Variants in ARHGAP24 observed in about 807,000 individuals in gnomAD.
ARHGAP24 encodes the protein rho GTPase-activating protein 24.
A neutral mutation model predicts 76.4 loss-of-function variants in ARHGAP24; 50 were observed. The ratio of observed to expected loss-of-function variants is 0.65; its 90% CI spans 0.52 to 0.83. ARHGAP24 has a LOEUF of 0.83. Ranked by LOEUF, ARHGAP24 falls within the 40% of genes least tolerant of loss-of-function variation. The pLI, the probability that ARHGAP24 is intolerant of heterozygous loss-of-function variation, is 0.00. For synonymous variants in ARHGAP24, 345 were observed against 323.3 expected, an observed-to-expected ratio of 1.07 and a Z score of -0.72; for missense variants, 930 against 914.2, an observed-to-expected ratio of 1.02 and a Z score of -0.22.
At chr4:85,705,590 C>G (rs1259501852) in intron 2 of ARHGAP24, among the ~76,000 whole-genome samples, 1 of 151,934 alleles carries the variant, frequency 6.6e-6, no homozygotes, top group African/African-American at 2.4e-5. Flanking sequence ...ACCATTTTTT[C>G]GTGTGCTTAC....
intron 2 of ARHGAP24, among the ~76,000 whole-genome samples, chr4:85,580,819 C>G (rs1727576887): frequency 6.6e-6 from 1 of 152,124 alleles, no homozygotes; most frequent in Non-Finnish European, 1.5e-5. Context: ...TCGTATCTGA[C>G]TGGGTTTGGT....
chr4:85,528,765 T>G (rs1725128615), intron 1 of ARHGAP24, among the ~76,000 whole-genome samples: 1 of 152,128 alleles, frequency 6.6e-6, no homozygotes, highest in Non-Finnish European at 1.5e-5. Flanking sequence ...GGACATGTAC[T>G]ATCTCCACGT....
intron 1 of ARHGAP24, among the ~76,000 whole-genome samples, chr4:85,556,442 A>G (rs1481725018): frequency 6.6e-6 from 1 of 152,072 alleles, no homozygotes; most frequent in Admixed American, 6.5e-5. Flanking sequence ...TCCTCTCCAT[A>G]TGATAGCTGC....
intron 3 of ARHGAP24, among the ~76,000 whole-genome samples, chr4:85,779,410 C>T (rs12499867): frequency 0.46 from 69,535 of 151,876 alleles, 16,587 homozygotes; most frequent in East Asian, 0.83. Context: ...AGAACCTGGG[C>T]AGGGCAGTCT....
intron 2 of ARHGAP24, among the ~76,000 whole-genome samples, chr4:85,691,336 TA>T (rs1483210427): frequency 6.6e-6 from 1 of 152,182 alleles, no homozygotes; most frequent in African/African-American, 2.4e-5. Context: ...TTATTGGGTG[TA>T]GTGTTCTGTA....
At chr4:85,846,342 G>A (rs1240728199) in intron 3 of ARHGAP24, among the ~76,000 whole-genome samples, 1 of 152,190 alleles carries the variant, frequency 6.6e-6, no homozygotes, top group African/African-American at 2.4e-5. Context: ...TCTGCTTTCT[G>A]TGAGGTAAGG....
intron 2 of ARHGAP24, among the ~76,000 whole-genome samples, chr4:85,625,364 C>G (rs991308248): frequency 7.9e-5 from 12 of 152,162 alleles, no homozygotes; most frequent in African/African-American, 2.9e-4. Flanking sequence ...TGTTCAGTTT[C>G]CATGTAGTTG....
At chr4:85,552,008 G>A (rs1726160478) in intron 1 of ARHGAP24, among the ~76,000 whole-genome samples, 1 of 151,942 alleles carries the variant, frequency 6.6e-6, no homozygotes, top group Admixed American at 6.6e-5. Flanking sequence ...GTTTATTCCA[G>A]TCTTGATTTC....
At chr4:85,627,030 G>A (rs1416272445) in intron 2 of ARHGAP24, among the ~76,000 whole-genome samples, 1 of 152,036 alleles carries the variant, frequency 6.6e-6, no homozygotes, top group Non-Finnish European at 1.5e-5. Context: ...ATTTCCTCCT[G>A]TAGCTTGGAG....
At chr4:85,654,194 T>G (rs1024116447) in intron 2 of ARHGAP24, among the ~76,000 whole-genome samples, 1 of 152,202 alleles carries the variant, frequency 6.6e-6, no homozygotes, top group Non-Finnish European at 1.5e-5. Flanking sequence ...TGGGTTCCCC[T>G]GAGGCCTCTT....
intron 3 of ARHGAP24, among the ~76,000 whole-genome samples, chr4:85,799,630 T>C (rs908369791): frequency 6.6e-6 from 1 of 152,132 alleles, no homozygotes; most frequent in Non-Finnish European, 1.5e-5. Flanking sequence ...ATGCTAAAAT[T>C]GGTGGGCATA....
At chr4:85,518,626 C>T (rs934203432) in intron 1 of ARHGAP24, among the ~76,000 whole-genome samples, 1 of 152,244 alleles carries the variant, frequency 6.6e-6, no homozygotes, top group African/African-American at 2.4e-5. Flanking sequence ...GTTTGGTTTT[C>T]CATTCCTGAG....
intron 3 of ARHGAP24, among the ~76,000 whole-genome samples, chr4:85,766,749 A>G (rs2110076348): frequency 6.6e-6 from 1 of 152,260 alleles, no homozygotes; most frequent in African/African-American, 2.4e-5. Flanking sequence ...ATAAATCACT[A>G]AGGTCATTTA....
intron 1 of ARHGAP24, among the ~76,000 whole-genome samples, chr4:85,565,035 C>T (rs2110138402): frequency 7.0e-6 from 1 of 143,806 alleles, no homozygotes; most frequent in South Asian, 2.3e-4. Flanking sequence ...GCATGTATAC[C>T]TATAAACACA....
intron 3 of ARHGAP24, among the ~76,000 whole-genome samples, chr4:85,727,248 CT>C (rs970999379): frequency 2.0e-5 from 3 of 151,828 alleles, no homozygotes; most frequent in Non-Finnish European, 4.4e-5. Flanking sequence ...GGCCTGGAGC[CT>C]ATTTTCTGAA....
intron 2 of ARHGAP24, among the ~76,000 whole-genome samples, chr4:85,618,452 G>A (rs1458632055): frequency 6.6e-6 from 1 of 152,204 alleles, no homozygotes; most frequent in East Asian, 1.9e-4. Flanking sequence ...TGAGAGTGCA[G>A]ATATTTATTC....
At chr4:85,790,996 T>C (rs914054374) in intron 3 of ARHGAP24, among the ~76,000 whole-genome samples, 3 of 152,202 alleles carry the variant, frequency 2.0e-5, no homozygotes, top group African/African-American at 7.2e-5. Flanking sequence ...CTTTTACCCA[T>C]TAATCAGTAA....
intron 3 of ARHGAP24, among the ~76,000 whole-genome samples, chr4:85,859,953 T>G (rs1015503498): frequency 2.0e-5 from 3 of 152,138 alleles, no homozygotes; most frequent in Non-Finnish European, 2.9e-5. Context: ...TCAAGCATTT[T>G]TCCTGATATT....
chr4:85,914,556 G>A (rs887092391), intron 3 of ARHGAP24, among the ~76,000 whole-genome samples: 1 of 152,120 alleles, frequency 6.6e-6, no homozygotes, highest in African/African-American at 2.4e-5. Flanking sequence ...TGTTTATAGG[G>A]AATATAAAGT....
Sources: gnomAD v4.1 joint callset for allele counts (sites outside exome capture counted in the v4.1 genomes callset) on GRCh38, gnomAD v4.1.1 for gene constraint, MANE v1.5 for transcripts, NCBI Gene and HGNC (gene_info 2026-07-23, HGNC 2026-07-21) for gene names.